The following ZNF138 variants were observed in gnomAD, a reference collection of about 807,000 sequenced individuals.
ZNF138 encodes the protein zinc finger protein 138.
ZNF138 carries 33 observed loss-of-function variants against 33.0 expected under a neutral mutation model. The observed-to-expected ratio is 1.00, with a 90% CI of 0.76 to 1.34. The LOEUF is 1.34. ZNF138 is among the 40% of genes most tolerant of loss of function. ZNF138 has a pLI of 0.00. For synonymous variants in ZNF138, 139 were observed against 120.4 expected (o/e 1.15, Z -1.01); for missense variants, 360 against 370.8 (o/e 0.97, Z 0.24).
chr7:64,847,205 G>A, the ZNF138 span, among the ~76,000 whole-genome samples: 6 of 151,436 alleles, frequency 4.0e-5, no homozygotes, highest in African/African-American at 1.5e-4. Context: ...GGGCTTTGTG[G>A]CTCACACCTG....
intron 2 of ZNF138, 73 bp from the exon 3 acceptor site, chr7:64,815,503 G>T: frequency 1.5e-6 from 2 of 1,335,702 alleles, no homozygotes; most frequent in Non-Finnish European, 2.1e-6. Context: ...TTACTAGGTT[G>T]GTAATTGGAG....
At chr7:64,825,501 A>ATTTTCT (rs1327225629) in intron 3 of ZNF138, among the ~76,000 whole-genome samples, 17 of 143,104 alleles carry the variant, frequency 1.2e-4, no homozygotes, top group Non-Finnish European at 1.8e-4. Flanking sequence ...CCACTCGGGC[A>ATTTTCT]TTTTCTTTTT....
At chr7:64,843,929 A>AT in the ZNF138 span, among the ~76,000 whole-genome samples, 1 of 151,740 alleles carries the variant, frequency 6.6e-6, no homozygotes, top group South Asian at 2.1e-4. Flanking sequence ...AGTCCAAGAG[A>AT]TCTCCTGCCT....
chr7:64,831,536 A>C lies in ZNF138; in HGVS notation c.294A>C (p.Gly98=), dbSNP rs1490558905. ...AAAAAGTGACACTGAGCAGATATGG[A>C]AAATATGGACATAAGAATTTACAGT... The part of the protein sequence containing the change: ...SFQKVTLSRY[G]KYGHKNLQLR... Residue 98 remains glycine (G), a synonymous_variant, in exon 4 of 4, where the codon GGA becomes GGC. Transcript: ENST00000307355. The C allele has an allele frequency of 6.2e-7, 1 of 1,613,418 alleles. No homozygotes were observed. Among genetic ancestry groups the C allele is most frequent in the Non-Finnish European group, 8.5e-7 (1 of 1,179,746 alleles).
the ZNF138 span, among the ~76,000 whole-genome samples, chr7:64,857,793 G>C: frequency 6.6e-6 from 1 of 152,142 alleles, no homozygotes; most frequent in African/African-American, 2.4e-5. Context: ...CATCATCATC[G>C]TTAAAGTCGC....
At chr7:64,806,493 A>G (rs538247807) in intron 1 of ZNF138, among the ~76,000 whole-genome samples, 1 of 152,190 alleles carries the variant, frequency 6.6e-6, no homozygotes, top group East Asian at 1.9e-4. Flanking sequence ...CCCACAATGT[A>G]CAGATGACAC....
chr7:64,836,349 C>T (rs947068829), downstream of ZNF138: 1 of 152,224 alleles, frequency 6.6e-6, no homozygotes, highest in African/African-American at 2.4e-5. Context: ...AAATTAAAAA[C>T]CACGAGAAGG....
intron 3 of ZNF138, among the ~76,000 whole-genome samples, chr7:64,820,631 C>T (rs1406775709): frequency 2.0e-5 from 3 of 151,234 alleles, no homozygotes; most frequent in African/African-American, 7.4e-5. Flanking sequence ...TGACACAATA[C>T]CAGGTCACTG....
rs191439713 is a variant in ZNF138 at position 64,810,943 on chromosome 7, T to A, written c.4-3975T>A. Among the ~76,000 whole-genome samples the A allele has an allele frequency of 2.6e-5, 4 of 152,360 alleles. No homozygotes were observed. The East Asian group carries it at 7.7e-4, about 29-fold the overall frequency. On this transcript the variant is annotated intron_variant, in intron 1 of 3. Coordinates refer to ENST00000307355, the MANE Select transcript of ZNF138 (RefSeq NM_001271639.2). ...TTAGGGTCTTAATTTTTAGTTTTTT[T>A]ATTAAAACCAGTGCTTGCAGAGACA...
chr7:64,832,836 A>AAACGTGAAG lies in ZNF138; in HGVS notation c.*636_*637insCGTGAAGAA. On this transcript the variant is annotated 3_prime_UTR_variant, in exon 4 of 4. Coordinates refer to ENST00000307355, the MANE Select transcript of ZNF138 (RefSeq NM_001271639.2). Reference sequence around the variant, plus strand: ...GATTCATACTAGAGAGAAACCCTACAAATGTGAAGAATGTGGCATATCTTT... The same window carrying AAACGTGAAG: ...GATTCATACTAGAGAGAAACCCTACAAACGTGAAGAATGTGAAGAATGTGGCATATCTTT... The AAACGTGAAG allele has an allele frequency of 2.2e-6, 1 of 448,352 alleles. No homozygotes were observed. The highest frequency in any genetic ancestry group is 1.7e-5 in the South Asian group (1 of 58,026). 27.8% of individuals were successfully genotyped at this position (448,352 alleles called of 1,614,324 possible).
chr7:64,860,432 C>T, the ZNF138 span, among the ~76,000 whole-genome samples: 2 of 152,176 alleles, frequency 1.3e-5, no homozygotes, highest in South Asian at 4.1e-4. Context: ...TCTTCAACCA[C>T]TTCTTCCCCA....
At chr7:64,853,128 C>T in the ZNF138 span, 10 of 1,443,710 alleles carry the variant, frequency 6.9e-6, no homozygotes, top group African/African-American at 2.8e-5. Context: ...GAAAGCCCAC[C>T]GTGTCTCAAA....
At chr7:64,814,568 C>T (rs866983718) in intron 1 of ZNF138, among the ~76,000 whole-genome samples, 43 of 152,176 alleles carry the variant, frequency 2.8e-4, no homozygotes, top group African/African-American at 9.9e-4. Context: ...AGTTCGAGAC[C>T]AGCCTGGCCA....
At chr7:64,839,555 C>T in the ZNF138 span, among the ~76,000 whole-genome samples, 2 of 152,112 alleles carry the variant, frequency 1.3e-5, no homozygotes, top group African/African-American at 4.8e-5. Flanking sequence ...GAAACTCTCC[C>T]TGGGTGTGCG....
At chr7:64,813,472 C>T (rs1757762792) in intron 1 of ZNF138, among the ~76,000 whole-genome samples, 2 of 149,400 alleles carry the variant, frequency 1.3e-5, no homozygotes, top group South Asian at 2.1e-4. Flanking sequence ...CTCGCGCTGT[C>T]GCCCAGGCTG....
At chr7:64,848,391 C>T in the ZNF138 span, among the ~76,000 whole-genome samples, 2 of 151,824 alleles carry the variant, frequency 1.3e-5, no homozygotes, top group African/African-American at 4.8e-5. Context: ...ATCCAAAAAC[C>T]TTGTCTTCGA....
At chr7:64,842,342 G>A in the ZNF138 span, among the ~76,000 whole-genome samples, 3 of 152,318 alleles carry the variant, frequency 2.0e-5, no homozygotes, top group African/African-American at 4.8e-5. Context: ...GATTATAGGC[G>A]TGAGCCACTG....
intron 3 of ZNF138, among the ~76,000 whole-genome samples, chr7:64,821,900 A>G (rs1467230101): frequency 1.5e-5 from 2 of 135,212 alleles, no homozygotes; most frequent in East Asian, 4.4e-4. Flanking sequence ...ATCACATGTG[A>G]TTTGCAAATA....
the ZNF138 span, among the ~76,000 whole-genome samples, chr7:64,844,445 T>C: frequency 6.6e-6 from 1 of 152,060 alleles, no homozygotes; most frequent in African/African-American, 2.4e-5. Flanking sequence ...AAAGGGAACT[T>C]GGGCTTGGGG....
Sources: gnomAD v4.1 joint callset for allele counts (sites outside exome capture counted in the v4.1 genomes callset) on GRCh38, gnomAD v4.1.1 for gene constraint, MANE v1.5 for transcripts, NCBI Gene and HGNC (gene_info 2026-07-23, HGNC 2026-07-21) for gene names.